SLCO1B3: variants seen among roughly 807,000 people sequenced by gnomAD.
SLCO1B3 encodes liver-specific organic anion transporter 2.
In SLCO1B3, 72 loss-of-function variants were observed where a neutral mutation model predicts 71.8. The observed-to-expected ratio is 1.00, with a 90% CI of 0.83 to 1.22. SLCO1B3 has a LOEUF of 1.22. Ranked by LOEUF, SLCO1B3 falls within the 50% of genes most tolerant of loss-of-function variation. The pLI is 0.00. For missense variants in SLCO1B3, 911 were observed against 819.7 expected (o/e 1.11, Z -1.36); for synonymous variants, 298 against 278.4 (o/e 1.07, Z -0.70).
At chr12:20,894,035 A>C (rs957066072) in intron 13 of SLCO1B3, among the ~76,000 whole-genome samples, 1 of 152,202 alleles carries the variant, frequency 6.6e-6, no homozygotes, top group East Asian at 1.9e-4. Flanking sequence ...TACCTGTGCT[A>C]TCTATTGTTA....
intron 15 of SLCO1B3, chr12:20,902,081 TTATC>T (rs1256901852): frequency 3.9e-6 from 1 of 256,842 alleles, no homozygotes; most frequent in Non-Finnish European, 7.6e-6. Flanking sequence ...TTTCTTTTAA[TTATC>T]TAGGAAGAAT....
Position 20,861,224 on chromosome 12 carries a change from T to G in SLCO1B3, c.481+86T>G. On this transcript the variant is annotated intron_variant, in intron 6 of 15. Coordinates refer to ENST00000381545, the MANE Select transcript of SLCO1B3 (RefSeq NM_019844.4). Reference sequence around the variant, plus strand: ...AAGTTTCTGATATTCTTTAACAAAATTGATTTAAGAACAAATAGGAAGAAC... The same window carrying G: ...AAGTTTCTGATATTCTTTAACAAAAGTGATTTAAGAACAAATAGGAAGAAC... 4.0e-6 allele frequency: 5 copies of G among 1,246,550 alleles called. No homozygotes were observed. The South Asian group carries it at 7.8e-5, about 19-fold the overall frequency. The allele number at this position is 1,246,550 out of a possible 1,614,324, so 77.2% of individuals were successfully genotyped here.
At chr12:20,846,377 G>C (rs982486740) in intron 3 of SLCO1B3, among the ~76,000 whole-genome samples, 1 of 152,090 alleles carries the variant, frequency 6.6e-6, no homozygotes, top group African/African-American at 2.4e-5. Flanking sequence ...TAGTTAGTTA[G>C]TTAGTTTCTT....
intron 8 of SLCO1B3, among the ~76,000 whole-genome samples, chr12:20,868,928 A>G (rs533590813): frequency 4.6e-5 from 7 of 152,270 alleles, no homozygotes; most frequent in Non-Finnish European, 5.9e-5. Flanking sequence ...TTATTTCTGC[A>G]TATCAGAGAC....
intron 1 of SLCO1B3, among the ~76,000 whole-genome samples, chr12:20,812,527 CT>C (rs1479075028): frequency 6.6e-6 from 1 of 152,138 alleles, no homozygotes; most frequent in Non-Finnish European, 1.5e-5. Context: ...AGGTAGAGAG[CT>C]TTTCTGTTGG....
Position 20,916,283 on chromosome 12 carries a change from T to G in SLCO1B3, c.*36T>G, listed in dbSNP as rs747516576. ...ATTCATTAAGATGTTATTTTTGAGG[T>G]GTTCCTGGTCTTTCACTGACAATTC... On this transcript the variant is annotated 3_prime_UTR_variant, in exon 16 of 16. Transcript: ENST00000381545. 2 of 1,593,236 alleles carry G rather than the reference T, an allele frequency of 1.3e-6. No individual in the cohort carries two copies. Among genetic ancestry groups the G allele is most frequent in the Non-Finnish European group, 8.6e-7 (1 of 1,167,762 alleles).
chr12:20,857,645 TA>T (rs952274739), intron 4 of SLCO1B3, among the ~76,000 whole-genome samples: 9 of 152,064 alleles, frequency 5.9e-5, no homozygotes, highest in African/African-American at 1.9e-4. Flanking sequence ...GGATTTTTTT[TA>T]AAAAAAGTTT....
chr12:20,877,230 A>G (rs1865599559), intron 9 of SLCO1B3, among the ~76,000 whole-genome samples: 1 of 126,424 alleles, frequency 7.9e-6, no homozygotes, highest in Non-Finnish European at 1.8e-5. Context: ...AACTGTAAAC[A>G]TTTTCTATAT....
At chr12:20,853,350 A>G (rs998266163) in intron 3 of SLCO1B3, among the ~76,000 whole-genome samples, 5 of 152,054 alleles carry the variant, frequency 3.3e-5, no homozygotes, top group Admixed American at 6.5e-5. Flanking sequence ...TCTCTAGTGA[A>G]GACATTGGTT....
chr12:20,883,578 C>G lies in SLCO1B3; in HGVS notation c.1658C>G (p.Thr553Ser). 6.3e-7 allele frequency: 1 copy of G among 1,593,640 alleles called. No individual in the cohort carries two copies. Among genetic ancestry groups the G allele is most frequent in the Non-Finnish European group, 8.5e-7 (1 of 1,172,418 alleles). The change falls in exon 13 of 16, where the codon ACC becomes AGC. Residue 553 changes from threonine (T) to serine (S), a missense_variant. Coordinates refer to ENST00000381545, the MANE Select transcript of SLCO1B3 (RefSeq NM_019844.4). ...INSLFSATGG[T>S]TFILLTVKIV... is the part of the protein sequence containing the mutation. Reference sequence around the variant, plus strand: ...TCTTTGTTCTCTGCAACAGGAGGTACCACATTTATCTTGTTGACTGTGAAG... The same window carrying G: ...TCTTTGTTCTCTGCAACAGGAGGTAGCACATTTATCTTGTTGACTGTGAAG...
chr12:20,882,713 A>C (rs1437113557), intron 12 of SLCO1B3, among the ~76,000 whole-genome samples: 1 of 152,066 alleles, frequency 6.6e-6, no homozygotes, highest in Non-Finnish European at 1.5e-5. Flanking sequence ...CAATTCTTTT[A>C]CAAGTTCTCC....
chr12:20,823,864 G>A (rs985437755), intron 3 of SLCO1B3, among the ~76,000 whole-genome samples: 2 of 152,166 alleles, frequency 1.3e-5, no homozygotes, highest in African/African-American at 2.4e-5. Context: ...GATAAGATAT[G>A]GGGCTAGTTT....
At chr12:20,860,042 G>A (rs1380721746) in intron 5 of SLCO1B3, among the ~76,000 whole-genome samples, 2 of 136,444 alleles carry the variant, frequency 1.5e-5, no homozygotes, top group South Asian at 2.4e-4. Flanking sequence ...TGCAAGCCCC[G>A]CCTCCCGGGT....
intron 6 of SLCO1B3, among the ~76,000 whole-genome samples, chr12:20,861,934 A>C (rs1005022514): frequency 1.2e-4 from 10 of 80,242 alleles, no homozygotes; most frequent in African/African-American, 2.9e-4. Flanking sequence ...ATCCATGTTT[A>C]ACAGAATAAA....
intron 13 of SLCO1B3, among the ~76,000 whole-genome samples, chr12:20,891,264 T>C (rs912384065): frequency 3.9e-5 from 6 of 152,072 alleles, no homozygotes; most frequent in Non-Finnish European, 2.9e-5. Flanking sequence ...CTACTTTTCT[T>C]CTTGAATTAT....
chr12:20,903,189 G>A (rs1359919084), intron 15 of SLCO1B3, among the ~76,000 whole-genome samples: 1 of 152,118 alleles, frequency 6.6e-6, no homozygotes, highest in Admixed American at 6.5e-5. Flanking sequence ...GGAAGACAGA[G>A]TGAAATTTTC....
intron 12 of SLCO1B3, 92 bp downstream of exon 12, chr12:20,881,112 T>C (rs1423736667): frequency 1.1e-6 from 1 of 913,056 alleles, no homozygotes; most frequent in South Asian, 2.0e-5. Context: ...ATAACTAAGG[T>C]CTCCAATAAA....
Position 20,879,616 on chromosome 12 carries a change from C to G in SLCO1B3, c.1316C>G (p.Thr439Ser), listed in dbSNP as rs1328777441. 2 of 1,608,606 alleles carry G rather than the reference C, an allele frequency of 1.2e-6. No homozygotes were observed. Among genetic ancestry groups the G allele is most frequent in the Non-Finnish European group, 1.7e-6 (2 of 1,176,746 alleles). ...GAAAGCAAATCAGTTGCCGGCCTAA[C>G]CTTGACCTATGATGGGTTTGTATAT... ...ICESKSVAGL[T>S]LTYDGNNSVA... The change falls in exon 11 of 16, where the codon ACC (threonine) becomes AGC (serine). Residue 439 changes from threonine (T) to serine (S), a missense_variant. Thr to Ser is a moderately conservative substitution (Grantham distance 58). Transcript: ENST00000381545.
In SLCO1B3 at chr12:20,818,689, G is replaced by C. The variant is rs2082523; in HGVS notation, c.84+2867G>C. Among the ~76,000 whole-genome samples the C allele has an allele frequency of 3.9e-5, 6 of 152,178 alleles. No individual in the cohort carries two copies. The South Asian group carries it at 1.2e-3, about 32-fold the overall frequency. On this transcript the variant is annotated intron_variant, in intron 3 of 15. Coordinates refer to ENST00000381545, the MANE Select transcript of SLCO1B3 (RefSeq NM_019844.4). ...AAGGAAATGAAAGGTTCTAAGAGGC[G>C]GGCTAGTGGCTTGTACTATAGCATA...
Sources: allele counts gnomAD v4.1 joint callset (sites outside exome capture counted in the v4.1 genomes callset), GRCh38; gene constraint gnomAD v4.1.1; transcripts MANE v1.5; gene names NCBI Gene and HGNC (gene_info 2026-07-23, HGNC 2026-07-21).